The following GTF2E1 variants were observed in gnomAD, a reference collection of about 807,000 sequenced individuals.
GTF2E1 encodes TFIIE alpha subunit.
In GTF2E1, 14 loss-of-function variants were observed where a neutral mutation model predicts 34.9. That is an observed-to-expected ratio of 0.40 (90% CI 0.27 to 0.63). The LOEUF (loss-of-function observed/expected upper bound fraction) is 0.63. Ranked by LOEUF, GTF2E1 falls within the 20% of genes least tolerant of loss-of-function variation. The pLI is 0.39. For synonymous variants in GTF2E1, 188 were observed against 192.9 expected (o/e 0.97, Z 0.21); for missense variants, 469 against 557.7 (o/e 0.84, Z 1.60).
At chr3:120,764,721 A>G (rs537178595) in intron 2 of GTF2E1, among the ~76,000 whole-genome samples, 1 of 152,158 alleles carries the variant, frequency 6.6e-6, no homozygotes, top group African/African-American at 2.4e-5. Flanking sequence ...TCAGTTATAC[A>G]TTTCCAGAGC....
At chr3:120,773,153 AAAAC>A (rs147468460) in intron 3 of GTF2E1, among the ~76,000 whole-genome samples, 32,989 of 151,922 alleles carry the variant, frequency 0.22, 4,453 homozygotes, top group Non-Finnish European at 0.3. Context: ...GGTCAGGAAA[AAAAC>A]CATTAGGTTA....
At chr3:120,771,819 C>T (rs1709353850) in intron 3 of GTF2E1, among the ~76,000 whole-genome samples, 1 of 152,138 alleles carries the variant, frequency 6.6e-6, no homozygotes, top group African/African-American at 2.4e-5. Flanking sequence ...ATTTTCTAAT[C>T]CAGTACCGTG....
At chr3:120,747,098 G>A (rs1373143504) in intron 1 of GTF2E1, among the ~76,000 whole-genome samples, 3 of 151,086 alleles carry the variant, frequency 2.0e-5, no homozygotes, top group African/African-American at 7.3e-5. Flanking sequence ...GTGTTGTTTT[G>A]TTTTTTTGTT....
rs934997889 is a variant in GTF2E1, at chr3:120,742,789, G to C, written c.-36G>C. The C allele has an allele frequency of 2.0e-6, 1 of 495,772 alleles. No homozygotes were observed. Among genetic ancestry groups the C allele is most frequent in the Non-Finnish European group, 3.7e-6 (1 of 272,238 alleles). 30.7% of individuals were successfully genotyped at this position (495,772 alleles called of 1,614,324 possible). A position where few individuals can be genotyped will look rare whatever the true frequency, so the allele number is the denominator to read the frequency against. On this transcript the variant is annotated 5_prime_UTR_variant, in exon 1 of 5. Transcript: ENST00000283875. The stretch of plus-strand genomic sequence containing the variant: ...CTGTAGTGGGAGTGTTCCAGGATTC[G>C]CCTTGGTAAACCTTGTTCCCTGTTC...
rs1209036473 is a variant in GTF2E1 at position 120,766,455 on chromosome 3, T to C, written c.449-4273T>C. ...TTTATGGTCACCCCAGTTTATCTTG[T>C]TAAGTCTGTTTTTTATCATTCTTTT... On this transcript the variant is annotated intron_variant, in intron 2 of 4. Coordinates refer to ENST00000283875, the MANE Select transcript of GTF2E1 (RefSeq NM_005513.3). Among the ~76,000 whole-genome samples, 5 of 152,198 alleles carry C rather than the reference T, an allele frequency of 3.3e-5. No individual in the cohort carries two copies. The South Asian group carries it at 1.0e-3, about 31-fold the overall frequency.
chr3:120,745,301 A>G (rs1440691236), intron 1 of GTF2E1, among the ~76,000 whole-genome samples: 2 of 152,178 alleles, frequency 1.3e-5, no homozygotes, highest in African/African-American at 4.8e-5. Context: ...TTAAACCCCA[A>G]AACTGTTGGA....
At chr3:120,751,148 G>C (rs1576356220) in intron 2 of GTF2E1, 148 bp downstream of exon 2, 7 of 586,502 alleles carry the variant, frequency 1.2e-5, no homozygotes, top group African/African-American at 1.9e-5. Context: ...CAGTCTTACT[G>C]TCCTGTTTGG....
Position 120,775,385 on chromosome 3 carries a change from A to C in GTF2E1, c.651-1038A>C, listed in dbSNP as rs975153624. On this transcript the variant is annotated intron_variant, in intron 3 of 4. Coordinates refer to ENST00000283875, the MANE Select transcript of GTF2E1 (RefSeq NM_005513.3). ...AGAAACACCCAAAAGGTTTGGAGTG[A>C]GCAGGCAGTTCAAGAAACATGAAGA... Among the ~76,000 whole-genome samples the C allele has an allele frequency of 4.6e-5, 7 of 152,216 alleles. 1 individual carries two copies. In the South Asian group the frequency reaches 1.4e-3, roughly 31 times the overall value.
rs143609489 is a variant in GTF2E1 at position 120,765,652 on chromosome 3, T to C, written c.449-5076T>C. Among the ~76,000 whole-genome samples the C allele has an allele frequency of 1.4e-4, 21 of 152,352 alleles. No homozygotes were observed. The East Asian group carries it at 4.0e-3, about 29-fold the overall frequency. ...TTTTTGTTTTCAAGCTATGACTTGG[T>C]AAACTTAACGCCTCTTAAGCGTTCA... On this transcript the variant is annotated intron_variant, in intron 2 of 4. Transcript: ENST00000283875.
chr3:120,751,396 A>G (rs181741188), intron 2 of GTF2E1, among the ~76,000 whole-genome samples: 3 of 152,322 alleles, frequency 2.0e-5, no homozygotes, highest in Admixed American at 1.3e-4. Context: ...TCAGGAGTAT[A>G]TAACTAGGGC....
chr3:120,776,862 CAAAT>C (rs1709405230), intron 4 of GTF2E1, among the ~76,000 whole-genome samples, 198 bp downstream of exon 4: 2 of 152,284 alleles, frequency 1.3e-5, no homozygotes, highest in Admixed American at 6.5e-5. Context: ...GTGAAAATAA[CAAAT>C]AGCCTTTTAA....
chr3:120,762,267 C>T (rs1709271037), intron 2 of GTF2E1, among the ~76,000 whole-genome samples: 1 of 152,190 alleles, frequency 6.6e-6, no homozygotes, highest in Non-Finnish European at 1.5e-5. Flanking sequence ...CCTGGATATC[C>T]TTGTTAACCT....
At chr3:120,749,431 A>G (rs1027872541) in intron 1 of GTF2E1, among the ~76,000 whole-genome samples, 3 of 152,216 alleles carry the variant, frequency 2.0e-5, no homozygotes, top group Non-Finnish European at 4.4e-5. Context: ...ACGTCCCATC[A>G]ATACCTAACT....
intron 2 of GTF2E1, among the ~76,000 whole-genome samples, chr3:120,759,494 T>C (rs1709239281): frequency 6.6e-6 from 1 of 152,238 alleles, no homozygotes; most frequent in African/African-American, 2.4e-5. Context: ...TTTGGTGTTT[T>C]AGTCATGAAG....
intron 2 of GTF2E1, among the ~76,000 whole-genome samples, chr3:120,755,184 T>G (rs1709198142): frequency 6.6e-6 from 1 of 152,202 alleles, no homozygotes. Context: ...GTTCTGAGTT[T>G]GGAATAGTCA....
chr3:120,770,685 C>CTAAA, intron 2 of GTF2E1, 43 bp from the exon 3 acceptor site: 1 of 1,422,968 alleles, frequency 7.0e-7, no homozygotes, highest in Non-Finnish European at 9.9e-7. Flanking sequence ...AAACTATCTG[C>CTAAA]TAAAGTCTTC....
intron 4 of GTF2E1, 80 bp from the exon 5 acceptor site, chr3:120,780,963 A>G: frequency 3.5e-6 from 3 of 855,974 alleles, no homozygotes; most frequent in East Asian, 2.7e-5. Flanking sequence ...ATTTAAATAT[A>G]TGTTAAAATA....
chr3:120,781,710 C>CTT lies in GTF2E1; in HGVS notation c.*243_*244dup. The CTT allele has an allele frequency of 5.7e-6, 2 of 353,606 alleles. No individual in the cohort carries two copies. The highest frequency in any genetic ancestry group is 5.4e-5 in the South Asian group (1 of 18,586). The allele number at this position is 353,606 out of a possible 1,614,324, so 21.9% of individuals were successfully genotyped here. On this transcript the variant is annotated 3_prime_UTR_variant, in exon 5 of 5. Transcript: ENST00000283875. The stretch of plus-strand genomic sequence containing the variant: ...CAGTATTAATATTTTACTGTATTTT[C>CTT]TTTTCTTTTTTTTTTTTTTTTGGAG...
intron 2 of GTF2E1, among the ~76,000 whole-genome samples, chr3:120,764,111 C>CA (rs1403991501): frequency 6.6e-6 from 1 of 152,158 alleles, no homozygotes; most frequent in Non-Finnish European, 1.5e-5. Context: ...TCTGCTTTTA[C>CA]ATTGTTATAT....
Sources: gnomAD v4.1 joint callset for allele counts (sites outside exome capture counted in the v4.1 genomes callset) on GRCh38, gnomAD v4.1.1 for gene constraint, MANE v1.5 for transcripts, NCBI Gene and HGNC (gene_info 2026-07-23, HGNC 2026-07-21) for gene names.